Variants in SAMD5 observed in about 807,000 individuals in gnomAD.
SAMD5 encodes sterile alpha motif domain-containing protein 5.
In SAMD5, 13 loss-of-function variants were observed where a neutral mutation model predicts 11.3. That is an observed-to-expected ratio of 1.15 (90% CI 0.75 to 1.83). The LOEUF is 1.83. Ranked by LOEUF, SAMD5 falls within the 40% of genes most tolerant of loss-of-function variation. The pLI, the probability that SAMD5 is intolerant of heterozygous loss-of-function variation, is 0.00. For synonymous variants in SAMD5, 129 were observed against 111.3 expected (o/e 1.16, Z -1.00); for missense variants, 255 against 239.1 (o/e 1.07, Z -0.44).
intron 1 of SAMD5, among the ~76,000 whole-genome samples, chr6:147,620,243 C>T (rs1479567137): frequency 6.6e-6 from 1 of 152,138 alleles, no homozygotes; most frequent in Non-Finnish European, 1.5e-5. Context: ...GCCTGCACAG[C>T]GCCCTTGCTC....
chr6:147,726,725 C>A (rs942701220), intron 1 of SAMD5, among the ~76,000 whole-genome samples: 2 of 152,190 alleles, frequency 1.3e-5, no homozygotes, highest in Non-Finnish European at 2.9e-5. Flanking sequence ...TTCCCAAGAA[C>A]CTTCACCTAT....
chr6:147,513,894 G>A (rs576586499), intron 1 of SAMD5, among the ~76,000 whole-genome samples: 1 of 152,272 alleles, frequency 6.6e-6, no homozygotes, highest in South Asian at 2.1e-4. Flanking sequence ...TGCCGTCGAG[G>A]ACCTTTGCCA....
chr6:147,883,051 C>T, the SAMD5 span, among the ~76,000 whole-genome samples: 2 of 152,194 alleles, frequency 1.3e-5, no homozygotes, highest in African/African-American at 4.8e-5. Flanking sequence ...GAAGCAATTG[C>T]TTCCGAGGGA....
Position 147,569,883 on chromosome 6 carries a change from T to G in SAMD5, c.*5427T>G, listed in dbSNP as rs1789109572. The G allele has an allele frequency of 1.0e-6, 1 of 985,240 alleles. No individual in the cohort carries two copies. Among genetic ancestry groups the G allele is most frequent in the Admixed American group, 6.2e-5 (1 of 16,258 alleles). 61.0% of individuals were successfully genotyped at this position (985,240 alleles called of 1,614,324 possible). A position where few individuals can be genotyped will look rare whatever the true frequency, so the allele number is the denominator to read the frequency against. ...TTTCTTTTCCCTTTCAGTTATTATT[T>G]TTTTTAAAGGACGTTATGAGAAGGC... On this transcript the variant is annotated 3_prime_UTR_variant, in exon 2 of 2. Coordinates refer to ENST00000367474, the MANE Select transcript of SAMD5 (RefSeq NM_001030060.3).
At chr6:147,804,621 G>C in the SAMD5 span, among the ~76,000 whole-genome samples, 1 of 152,108 alleles carries the variant, frequency 6.6e-6, no homozygotes, top group African/African-American at 2.4e-5. Flanking sequence ...TTATCAGACA[G>C]TTATAAAACA....
chr6:147,706,295 C>T (rs895274016), intron 1 of SAMD5, among the ~76,000 whole-genome samples: 29 of 152,118 alleles, frequency 1.9e-4, no homozygotes, highest in African/African-American at 6.3e-4. Context: ...GATCTTGGCT[C>T]ACTGCAACCT....
At chr6:147,538,356 C>A (rs1280560700) in intron 1 of SAMD5, among the ~76,000 whole-genome samples, 1 of 152,178 alleles carries the variant, frequency 6.6e-6, no homozygotes, top group Non-Finnish European at 1.5e-5. Context: ...ACCCTCTGAA[C>A]TAGTCAAAAT....
chr6:147,812,976 C>A, the SAMD5 span, among the ~76,000 whole-genome samples: 1 of 152,172 alleles, frequency 6.6e-6, no homozygotes, highest in African/African-American at 2.4e-5. Context: ...GGTGACAGAA[C>A]GCAGATCCAT....
intron 1 of SAMD5, among the ~76,000 whole-genome samples, chr6:147,532,571 C>T (rs1453165561): frequency 6.6e-6 from 1 of 152,188 alleles, no homozygotes; most frequent in Non-Finnish European, 1.5e-5. Flanking sequence ...TTTGCAATTG[C>T]AAATTGTGCT....
At chr6:147,775,371 A>G in the SAMD5 span, among the ~76,000 whole-genome samples, 1 of 152,202 alleles carries the variant, frequency 6.6e-6, no homozygotes, top group Admixed American at 6.5e-5. Context: ...AATAATCTAC[A>G]TGAGTATAGA....
chr6:147,705,263 T>G lies in SAMD5; in HGVS notation c.163-32054T>G, dbSNP rs539403909. Among the ~76,000 whole-genome samples, 11 of 152,342 alleles carry G rather than the reference T, an allele frequency of 7.2e-5. No homozygotes were observed. In the South Asian group the frequency reaches 2.1e-3, roughly 29 times the overall value. On this transcript the variant is annotated intron_variant, in intron 1 of 1. Transcript: ENST00000566741. The stretch of plus-strand genomic sequence containing the variant: ...CTGAGTAGAGGATATGTGCTTTCCA[T>G]GAGTGCCTAGAACTAATGTAGATAT...
Position 147,534,790 on chromosome 6 carries a change from G to C in SAMD5, c.459+25403G>C, listed in dbSNP as rs74647466. Among the ~76,000 whole-genome samples, 102 of 152,166 alleles carry C rather than the reference G, an allele frequency of 6.7e-4. No individual in the cohort carries two copies. In the East Asian group the frequency reaches 0.017, roughly 26 times the overall value. On this transcript the variant is annotated intron_variant, in intron 1 of 1. Coordinates refer to ENST00000367474, the MANE Select transcript of SAMD5 (RefSeq NM_001030060.3). ...GCAGTTCAGGGAAGGTTAAAATCTT[G>C]GTCACCTCTATCTGCATGACTCCTA...
chr6:147,943,072 C>T, the SAMD5 span, among the ~76,000 whole-genome samples: 92 of 152,194 alleles, frequency 6.0e-4, no homozygotes, highest in African/African-American at 2.0e-3. Flanking sequence ...TCACCCGCCT[C>T]GGCCTCCCAA....
At chr6:147,671,737 A>G (rs943167450) in intron 1 of SAMD5, among the ~76,000 whole-genome samples, 1 of 151,972 alleles carries the variant, frequency 6.6e-6, no homozygotes, top group African/African-American at 2.4e-5. Context: ...TGTCCGTCCT[A>G]TTTTTTGAAT....
chr6:147,585,889 G>A (rs910239621), intron 1 of SAMD5, among the ~76,000 whole-genome samples: 6 of 152,106 alleles, frequency 3.9e-5, no homozygotes, highest in African/African-American at 1.4e-4. Context: ...TAAAAATTCA[G>A]TGTTGACATA....
At chr6:147,676,843 G>A (rs1388117242) in intron 1 of SAMD5, among the ~76,000 whole-genome samples, 2 of 145,996 alleles carry the variant, frequency 1.4e-5, no homozygotes, top group Non-Finnish European at 3.0e-5. Context: ...GGGGGTGGGG[G>A]TAGGGGAGCT....
In SAMD5 at chr6:147,580,675, G is replaced by A. The variant is rs1583093474; in HGVS notation, c.162+71288G>A. 3.3e-5 allele frequency among the ~76,000 whole-genome samples: 5 copies of A among 152,198 alleles called. No homozygotes were observed. In the South Asian group the frequency reaches 1.0e-3, roughly 31 times the overall value. ...AAATAGTCATGTATGGCCAGTGGTA[G>A]CATATTAGCACAGGTCTAGATGTTC... On this transcript the variant is annotated intron_variant, in intron 1 of 1. Transcript: ENST00000566741.
the SAMD5 span, among the ~76,000 whole-genome samples, chr6:147,889,736 T>C: frequency 3.8e-4 from 58 of 152,318 alleles, no homozygotes; most frequent in Non-Finnish European, 6.6e-4. Flanking sequence ...CACACACTAC[T>C]CCTGGGCTCT....
At chr6:147,635,487 G>T (rs542106450) in intron 1 of SAMD5, among the ~76,000 whole-genome samples, 11 of 152,236 alleles carry the variant, frequency 7.2e-5, no homozygotes, top group African/African-American at 2.2e-4. Context: ...GTAGTTTTTA[G>T]TTGAAGCTCC....
Sources: allele counts gnomAD v4.1 joint callset (sites outside exome capture counted in the v4.1 genomes callset), GRCh38; gene constraint gnomAD v4.1.1; transcripts MANE v1.5; gene names NCBI Gene and HGNC (gene_info 2026-07-23, HGNC 2026-07-21).